Variants in GRIK4 observed in about 807,000 individuals in gnomAD.
GRIK4 encodes the protein glutamate ionotropic receptor kainate type subunit 4.
In GRIK4, 40 loss-of-function variants were observed where a neutral mutation model predicts 104.9. That is an observed-to-expected ratio of 0.38 (90% CI 0.30 to 0.50). The LOEUF is 0.50. GRIK4 is among the 20% of genes least tolerant of loss of function. GRIK4 has a pLI of 0.93. For missense variants in GRIK4, 1,047 were observed against 1,308.1 expected (o/e 0.80, Z 3.08); for synonymous variants, 485 against 524.9 (o/e 0.92, Z 1.04).
At chr11:120,704,432 C>G (rs937093437) in intron 3 of GRIK4, among the ~76,000 whole-genome samples, 1 of 152,226 alleles carries the variant, frequency 6.6e-6, no homozygotes, top group African/African-American at 2.4e-5. Flanking sequence ...CCAGGGCCAA[C>G]AGGGAACATT....
intron 3 of GRIK4, among the ~76,000 whole-genome samples, chr11:120,721,469 G>T (rs763935876): frequency 6.6e-6 from 1 of 152,180 alleles, no homozygotes; most frequent in Non-Finnish European, 1.5e-5. Context: ...GTTCCCAAGA[G>T]GAGGGACCAT....
At chr11:120,566,093 T>C (rs544296569) in intron 1 of GRIK4, among the ~76,000 whole-genome samples, 9 of 152,380 alleles carry the variant, frequency 5.9e-5, no homozygotes, top group African/African-American at 1.9e-4. Flanking sequence ...AGCCTGGATT[T>C]GTGCTTTGCA....
At chr11:120,708,299 G>C (rs779475875) in intron 3 of GRIK4, among the ~76,000 whole-genome samples, 1 of 152,132 alleles carries the variant, frequency 6.6e-6, no homozygotes, top group Non-Finnish European at 1.5e-5. Flanking sequence ...TCTACCCTGG[G>C]TGTGGTGGTG....
intron 3 of GRIK4, among the ~76,000 whole-genome samples, chr11:120,773,901 C>T (rs1041019567): frequency 2.0e-5 from 3 of 152,210 alleles, no homozygotes; most frequent in Admixed American, 1.3e-4. Flanking sequence ...CCTGAAGTTT[C>T]TGACAGAAGC....
intron 8 of GRIK4, among the ~76,000 whole-genome samples, chr11:120,839,558 G>A (rs545474296): frequency 6.6e-6 from 1 of 152,302 alleles, no homozygotes; most frequent in African/African-American, 2.4e-5. Flanking sequence ...TGCCTCCCAT[G>A]GGCTAAAATG....
At chr11:120,984,000 T>TG (rs1944695261) in intron 20 of GRIK4, among the ~76,000 whole-genome samples, 2 of 152,080 alleles carry the variant, frequency 1.3e-5, no homozygotes, top group African/African-American at 4.8e-5. Context: ...AGTTAACAAT[T>TG]GGGGGGTGTG....
intron 6 of GRIK4, among the ~76,000 whole-genome samples, chr11:120,822,627 G>A (rs184992116): frequency 4.6e-5 from 7 of 152,324 alleles, no homozygotes; most frequent in Admixed American, 1.3e-4. Flanking sequence ...CAGTAGCCAC[G>A]TGGCTGGTGG....
At chr11:120,864,195 G>GTATTTT (rs1295424169) in intron 9 of GRIK4, among the ~76,000 whole-genome samples, 1 of 149,194 alleles carries the variant, frequency 6.7e-6, no homozygotes, top group Non-Finnish European at 1.5e-5. Context: ...TCTCATTCCA[G>GTATTTT]TATTTTTATT....
chr11:120,697,842 G>C (rs574801125), intron 3 of GRIK4, among the ~76,000 whole-genome samples: 1 of 152,322 alleles, frequency 6.6e-6, no homozygotes, highest in Non-Finnish European at 1.5e-5. Context: ...AAGGCTGGCA[G>C]TGGTGAAGGG....
At chr11:120,640,769 C>T (rs559541889) in intron 1 of GRIK4, among the ~76,000 whole-genome samples, 15 of 151,512 alleles carry the variant, frequency 9.9e-5, no homozygotes, top group Admixed American at 1.3e-4. Flanking sequence ...AGTGCTGTGG[C>T]GCGATCTCAG....
At chr11:120,962,843 GCAAA>G in intron 18 of GRIK4, 162 bp downstream of exon 18, 1 of 527,206 alleles carries the variant, frequency 1.9e-6, no homozygotes, top group Non-Finnish European at 3.3e-6. Context: ...TTTTTTTAAA[GCAAA>G]CACACATATT....
chr11:120,684,142 T>C (rs1950239552), intron 3 of GRIK4, among the ~76,000 whole-genome samples: 1 of 151,996 alleles, frequency 6.6e-6, no homozygotes, highest in South Asian at 2.1e-4. Flanking sequence ...CTGGGCAACA[T>C]AGGGAGACCC....
chr11:120,787,990 C>G (rs949237490), intron 3 of GRIK4, among the ~76,000 whole-genome samples: 5 of 150,382 alleles, frequency 3.3e-5, no homozygotes, highest in African/African-American at 4.9e-5. Context: ...GTCAGCCTCC[C>G]TAGTAGCTGA....
At chr11:120,872,027 C>G in intron 9 of GRIK4, 1 of 408,290 alleles carries the variant, frequency 2.4e-6, no homozygotes, top group Non-Finnish European at 4.9e-6. Flanking sequence ...CTGTAGCCCC[C>G]TGTCCTTACC....
chr11:120,871,642 G>A, intron 9 of GRIK4: 2 of 456,414 alleles, frequency 4.4e-6, no homozygotes, highest in Non-Finnish European at 8.8e-6. Flanking sequence ...AGGGGAGGCA[G>A]GAGACTCGAC....
chr11:120,885,562 T>A (rs1371084237), intron 11 of GRIK4, among the ~76,000 whole-genome samples: 1 of 152,114 alleles, frequency 6.6e-6, no homozygotes, highest in East Asian at 1.9e-4. Flanking sequence ...ATTTTTGTAT[T>A]TTAGTAGAGA....
chr11:120,737,422 G>A (rs2135401908), intron 3 of GRIK4, among the ~76,000 whole-genome samples: 1 of 152,278 alleles, frequency 6.6e-6, no homozygotes, highest in Admixed American at 6.5e-5. Context: ...CATAGCTTTG[G>A]CTAAAAGAAT....
At chr11:120,713,346 T>C (rs1950772485) in intron 3 of GRIK4, among the ~76,000 whole-genome samples, 1 of 152,156 alleles carries the variant, frequency 6.6e-6, no homozygotes, top group Admixed American at 6.5e-5. Flanking sequence ...GCAGATTTTA[T>C]CAGCATGCTC....
At chr11:120,800,781 C>T (rs767960192) in intron 3 of GRIK4, among the ~76,000 whole-genome samples, 12 of 152,204 alleles carry the variant, frequency 7.9e-5, no homozygotes, top group Non-Finnish European at 1.8e-4. Context: ...GAGTGTGGAG[C>T]AATGCACAGA....
Sources: gnomAD v4.1 joint callset for allele counts (sites outside exome capture counted in the v4.1 genomes callset) on GRCh38, gnomAD v4.1.1 for gene constraint, MANE v1.5 for transcripts, NCBI Gene and HGNC (gene_info 2026-07-23, HGNC 2026-07-21) for gene names.